The following TSHZ2 variants were observed in gnomAD, a reference collection of about 807,000 sequenced individuals.
The protein encoded by TSHZ2 is teashirt homolog 2.
A neutral mutation model predicts 74.4 loss-of-function variants in TSHZ2; 21 were observed. The observed-to-expected ratio is 0.28, with a 90% CI of 0.20 to 0.41. The LOEUF (loss-of-function observed/expected upper bound fraction) is 0.41. Among genes scored for constraint, TSHZ2 ranks in the 10% least tolerant of loss-of-function variants. The probability of loss-of-function intolerance (pLI) is 1.00; values close to 1 mark genes in which losing one functional copy is unlikely to be tolerated. For missense variants in TSHZ2, 1,244 were observed against 1,293.5 expected, an observed-to-expected ratio of 0.96 and a Z score of 0.59; for synonymous variants, 540 against 515.3, an observed-to-expected ratio of 1.05 and a Z score of -0.65.
At chr20:53,425,071 G>T (rs559328507) in intron 2 of TSHZ2, among the ~76,000 whole-genome samples, 11 of 152,088 alleles carry the variant, frequency 7.2e-5, no homozygotes, top group Non-Finnish European at 1.5e-4. Flanking sequence ...ATTCCTTTGG[G>T]TATATAACTG....
intron 2 of TSHZ2, among the ~76,000 whole-genome samples, chr20:53,386,753 A>G (rs747805065): frequency 7.2e-5 from 11 of 152,204 alleles, no homozygotes; most frequent in Non-Finnish European, 1.5e-4. Flanking sequence ...TGCTCCCAGA[A>G]GGCGGCGGAA....
chr20:53,018,249 A>G (rs912021047), intron 1 of TSHZ2, among the ~76,000 whole-genome samples: 1 of 152,136 alleles, frequency 6.6e-6, no homozygotes. Flanking sequence ...TTCATATCCA[A>G]CAGGAAAGAG....
chr20:53,041,638 T>C (rs1018057293), intron 1 of TSHZ2, among the ~76,000 whole-genome samples: 2 of 152,172 alleles, frequency 1.3e-5, no homozygotes, highest in Non-Finnish European at 2.9e-5. Context: ...TTTTAGTTAA[T>C]CCTCGGAGAA....
intron 1 of TSHZ2, among the ~76,000 whole-genome samples, chr20:53,090,608 C>G (rs1362324933): frequency 1.3e-5 from 2 of 152,130 alleles, no homozygotes; most frequent in Non-Finnish European, 2.9e-5. Flanking sequence ...ACCATTTCCC[C>G]GTCTGCCAAA....
chr20:53,001,216 G>GTGTGTGTGTGTGTATA (rs1409092272), intron 1 of TSHZ2, among the ~76,000 whole-genome samples: 2 of 142,570 alleles, frequency 1.4e-5, no homozygotes, highest in African/African-American at 5.5e-5. Flanking sequence ...GTGTGTGTGT[G>GTGTGTGTGTGTGTATA]TGTGTGTGTG....
At chr20:53,047,863 G>C (rs1214453574) in intron 1 of TSHZ2, among the ~76,000 whole-genome samples, 1 of 152,176 alleles carries the variant, frequency 6.6e-6, no homozygotes, top group African/African-American at 2.4e-5. Context: ...CATGGATGTG[G>C]TGTTAGGTGC....
At chr20:53,428,767 C>G (rs6123281) in intron 2 of TSHZ2, among the ~76,000 whole-genome samples, 1 of 152,112 alleles carries the variant, frequency 6.6e-6, no homozygotes, top group Non-Finnish European at 1.5e-5. Flanking sequence ...TCCTCTTCCA[C>G]ATCATGCCCC....
chr20:53,045,256 G>A (rs1002533469), intron 1 of TSHZ2, among the ~76,000 whole-genome samples: 1 of 152,158 alleles, frequency 6.6e-6, no homozygotes, highest in Non-Finnish European at 1.5e-5. Context: ...TCACAGTGAC[G>A]TCCTCACTTC....
At chr20:53,193,338 C>T (rs987553205) in intron 1 of TSHZ2, among the ~76,000 whole-genome samples, 2 of 152,172 alleles carry the variant, frequency 1.3e-5, no homozygotes, top group Non-Finnish European at 2.9e-5. Flanking sequence ...GACAACTGCT[C>T]CAGACACATT....
intron 1 of TSHZ2, among the ~76,000 whole-genome samples, chr20:53,101,585 A>G (rs1986219823): frequency 6.6e-6 from 1 of 152,242 alleles, no homozygotes; most frequent in African/African-American, 2.4e-5. Context: ...AGTTTGTAGA[A>G]ACCACAGCCC....
At chr20:53,399,434 G>A (rs1288112145) in intron 2 of TSHZ2, 2 of 152,152 alleles carry the variant, frequency 1.3e-5, no homozygotes, top group African/African-American at 2.4e-5. Context: ...GCACTCATCC[G>A]GGGGCACTGG....
chr20:53,211,858 T>C (rs947697997), intron 1 of TSHZ2, among the ~76,000 whole-genome samples: 3 of 152,140 alleles, frequency 2.0e-5, no homozygotes, highest in African/African-American at 7.2e-5. Context: ...TTGTACCCAA[T>C]AGGTAACTTT....
At chr20:53,040,762 C>G (rs541916582) in intron 1 of TSHZ2, among the ~76,000 whole-genome samples, 1 of 152,256 alleles carries the variant, frequency 6.6e-6, no homozygotes, top group East Asian at 1.9e-4. Context: ...CGACCCTTAC[C>G]CAGGTGCGGT....
At chr20:53,073,581 TTTCTC>T (rs1332852471) in intron 1 of TSHZ2, among the ~76,000 whole-genome samples, 2 of 152,252 alleles carry the variant, frequency 1.3e-5, no homozygotes, top group African/African-American at 4.8e-5. Flanking sequence ...TCTTTATAAT[TTTCTC>T]TATTACTTAA....
intron 2 of TSHZ2, among the ~76,000 whole-genome samples, chr20:53,440,654 T>C (rs1352058004): frequency 6.6e-6 from 1 of 152,192 alleles, no homozygotes; most frequent in Admixed American, 6.5e-5. Context: ...GTTCTCAAGT[T>C]TGGCTGTGCC....
intron 1 of TSHZ2, among the ~76,000 whole-genome samples, chr20:52,985,437 C>T (rs1024656101): frequency 6.6e-6 from 1 of 152,184 alleles, no homozygotes; most frequent in Admixed American, 6.5e-5. Context: ...ATTCTATTAA[C>T]AAGTTAATAA....
chr20:53,291,138 G>T (rs566612850), intron 2 of TSHZ2, among the ~76,000 whole-genome samples: 1 of 152,098 alleles, frequency 6.6e-6, no homozygotes, highest in African/African-American at 2.4e-5. Context: ...ACCAATTCAC[G>T]GTGAGGGGTG....
intron 2 of TSHZ2, among the ~76,000 whole-genome samples, chr20:53,438,246 A>C (rs1384709706): frequency 6.6e-6 from 1 of 151,372 alleles, no homozygotes; most frequent in Non-Finnish European, 1.5e-5. Context: ...AGTAGCTGGG[A>C]CTACAGATGC....
rs141469974 is a variant in TSHZ2 at position 53,077,194 on chromosome 20, C to T, written c.40+103861C>T. Among the ~76,000 whole-genome samples, 1,018 of 152,100 alleles carry T rather than the reference C, an allele frequency of 6.7e-3. 11 individuals carry two copies. The highest frequency in any genetic ancestry group is 6.9e-3 in the Non-Finnish European group (468 of 67,998). On this transcript the variant is annotated intron_variant, in intron 1 of 2. Coordinates refer to ENST00000371497, the MANE Select transcript of TSHZ2 (RefSeq NM_173485.6). ...TTGGGAGGCTAAGGCGGGTGGGTCA[C>T]TTGAGGTCAGGAGTTCGATACCAGC... is the stretch of plus-strand genomic sequence containing the variant.
Sources: gnomAD v4.1 joint callset for allele counts (sites outside exome capture counted in the v4.1 genomes callset) on GRCh38, gnomAD v4.1.1 for gene constraint, MANE v1.5 for transcripts, NCBI Gene and HGNC (gene_info 2026-07-23, HGNC 2026-07-21) for gene names.